Variants in NCKAP5 observed in about 807,000 individuals in gnomAD.
NCKAP5 encodes the protein NCK associated protein 5, also known as nck-associated protein 5.
Under a neutral mutation model 167.0 loss-of-function variants are expected in NCKAP5, and 92 were observed. That is an observed-to-expected ratio of 0.55 (90% CI 0.47 to 0.66). The LOEUF (loss-of-function observed/expected upper bound fraction) is 0.66, where lower values mean the gene tolerates loss of function less well. Ranked by LOEUF, NCKAP5 falls within the 30% of genes least tolerant of loss-of-function variation. NCKAP5 has a pLI of 0.00. For synonymous variants in NCKAP5, 891 were observed against 877.4 expected (o/e 1.02, Z -0.27); for missense variants, 2,378 against 2,315.0 (o/e 1.03, Z -0.56).
At chr2:133,289,327 T>C (rs2150506058) in intron 4 of NCKAP5, among the ~76,000 whole-genome samples, 1 of 152,310 alleles carries the variant, frequency 6.6e-6, no homozygotes, top group East Asian at 1.9e-4. Context: ...TTTTTGCCTT[T>C]TTTTTCCATT....
At chr2:133,227,051 G>C (rs1204799519) in intron 4 of NCKAP5, among the ~76,000 whole-genome samples, 1 of 152,126 alleles carries the variant, frequency 6.6e-6, no homozygotes, top group Admixed American at 6.5e-5. Flanking sequence ...GGAGAATCAA[G>C]GAAACCTTCA....
intron 6 of NCKAP5, among the ~76,000 whole-genome samples, chr2:133,061,260 A>G (rs569723953): frequency 6.6e-6 from 1 of 152,238 alleles, no homozygotes; most frequent in Admixed American, 6.5e-5. Flanking sequence ...CAATTTTGAA[A>G]GAAGTTCTAC....
At chr2:133,135,906 GCTA>G (rs1465531281) in intron 5 of NCKAP5, among the ~76,000 whole-genome samples, 1 of 152,062 alleles carries the variant, frequency 6.6e-6, no homozygotes, top group Non-Finnish European at 1.5e-5. Flanking sequence ...ATATACTTCA[GCTA>G]CTTTTGATAA....
At position 132,728,886 on chromosome 2, in the gene NCKAP5, T is replaced by C; in HGVS notation, c.5510A>G (p.Tyr1837Cys). ...PRPQTCSSFG[Y>C]AEDPMASQPL... ...CTGGCTTGCCATTGGGTCTTCAGCA[T>C]ATCCGAATGATGAGCATGTCTGAGG... The change falls in exon 18 of 20, where the codon TAT (tyrosine) becomes TGT (cysteine). Residue 1837 changes from tyrosine to cysteine, a missense_variant. Physicochemically the swap from Tyr to Cys is radical, Grantham distance 194 (BLOSUM62 -2). Coordinates refer to ENST00000409261, the MANE Select transcript of NCKAP5 (RefSeq NM_207363.3). The C allele has an allele frequency of 6.2e-7, 1 of 1,614,034 alleles. No homozygotes were observed. Among genetic ancestry groups the C allele is most frequent in the Non-Finnish European group, 8.5e-7 (1 of 1,179,874 alleles).
chr2:133,306,805 A>G (rs1680810254), intron 3 of NCKAP5, among the ~76,000 whole-genome samples: 1 of 152,198 alleles, frequency 6.6e-6, no homozygotes, highest in African/African-American at 2.4e-5. Context: ...ATGAAAGTCT[A>G]TTTCTCAATA....
At chr2:132,818,439 G>A (rs2105305815) in intron 11 of NCKAP5, among the ~76,000 whole-genome samples, 1 of 152,328 alleles carries the variant, frequency 6.6e-6, no homozygotes, top group Admixed American at 6.5e-5. Context: ...ACTTTGGGAG[G>A]CCAAGGCAGG....
intron 3 of NCKAP5, among the ~76,000 whole-genome samples, chr2:133,360,670 G>T (rs961884774): frequency 1.3e-5 from 2 of 152,140 alleles, no homozygotes; most frequent in African/African-American, 4.8e-5. Context: ...GGACATGCAA[G>T]TCAGTGTCTG....
intron 6 of NCKAP5, among the ~76,000 whole-genome samples, chr2:133,004,672 C>A (rs1370100376): frequency 6.6e-6 from 1 of 152,186 alleles, no homozygotes; most frequent in Non-Finnish European, 1.5e-5. Flanking sequence ...TCCCACTGGG[C>A]ACGTATTGTC....
intron 11 of NCKAP5, among the ~76,000 whole-genome samples, chr2:132,803,951 T>A (rs1685232885): frequency 6.6e-6 from 1 of 152,142 alleles, no homozygotes; most frequent in Admixed American, 6.6e-5. Flanking sequence ...TAGCTAGAGA[T>A]GGTGGAGGCC....
the NCKAP5 span, among the ~76,000 whole-genome samples, chr2:133,611,930 C>G: frequency 6.6e-6 from 1 of 152,128 alleles, no homozygotes; most frequent in East Asian, 1.9e-4. Flanking sequence ...GTACTTTGGA[C>G]CCATAGATTT....
intron 18 of NCKAP5, among the ~76,000 whole-genome samples, chr2:132,726,093 T>C (rs1275636017): frequency 6.6e-6 from 1 of 152,248 alleles, no homozygotes; most frequent in African/African-American, 2.4e-5. Flanking sequence ...GGGTCTTATT[T>C]TTCTCAAGTG....
chr2:132,758,989 G>A (rs906991089), intron 16 of NCKAP5, among the ~76,000 whole-genome samples: 7 of 152,034 alleles, frequency 4.6e-5, no homozygotes, highest in Non-Finnish European at 7.4e-5. Flanking sequence ...ACCACTACCC[G>A]TTGATAAAGT....
chr2:133,108,467 T>A (rs2081794556), intron 6 of NCKAP5, among the ~76,000 whole-genome samples: 1 of 152,198 alleles, frequency 6.6e-6, no homozygotes, highest in Non-Finnish European at 1.5e-5. Flanking sequence ...TTCAATCAAG[T>A]TGAATGAATA....
intron 2 of NCKAP5, among the ~76,000 whole-genome samples, chr2:133,529,134 A>T (rs917829670): frequency 6.6e-6 from 1 of 151,768 alleles, no homozygotes; most frequent in East Asian, 1.9e-4. Flanking sequence ...CTATGAGATA[A>T]TTTTTTTTTA....
At chr2:133,276,263 C>T (rs1472785960) in intron 4 of NCKAP5, among the ~76,000 whole-genome samples, 1 of 152,058 alleles carries the variant, frequency 6.6e-6, no homozygotes, top group Non-Finnish European at 1.5e-5. Flanking sequence ...ATCAGTAAGG[C>T]TTCCAGTCAA....
intron 2 of NCKAP5, among the ~76,000 whole-genome samples, chr2:133,538,273 G>A (rs1685910410): frequency 6.6e-6 from 1 of 152,112 alleles, no homozygotes; most frequent in Non-Finnish European, 1.5e-5. Flanking sequence ...TGGTTACTTT[G>A]TCTTTTCCTT....
chr2:133,177,148 C>T (rs566328809), intron 5 of NCKAP5, among the ~76,000 whole-genome samples: 4 of 120,816 alleles, frequency 3.3e-5, no homozygotes, highest in Non-Finnish European at 5.0e-5. Flanking sequence ...TTTAGCGACA[C>T]AGGAGGTTTT....
chr2:133,388,151 T>TC (rs1301393927), intron 3 of NCKAP5, among the ~76,000 whole-genome samples: 1 of 150,562 alleles, frequency 6.6e-6, no homozygotes, highest in Non-Finnish European at 1.5e-5. Flanking sequence ...TTTCTGTTAT[T>TC]TTTTTCCCCA....
chr2:132,788,924 C>T (rs889964745), intron 13 of NCKAP5, among the ~76,000 whole-genome samples: 11 of 152,248 alleles, frequency 7.2e-5, no homozygotes, highest in Admixed American at 4.6e-4. Flanking sequence ...CTGGGTCTGG[C>T]TTGTTAGGTC....
Sources: gnomAD v4.1 joint callset for allele counts (sites outside exome capture counted in the v4.1 genomes callset) on GRCh38, gnomAD v4.1.1 for gene constraint, MANE v1.5 for transcripts, NCBI Gene and HGNC (gene_info 2026-07-23, HGNC 2026-07-21) for gene names.